Variants in SHISA9 observed in about 807,000 individuals in gnomAD.
SHISA9 encodes shisa family member 9, also known as protein shisa-9.
SHISA9 carries 13 observed loss-of-function variants against 38.0 expected under a neutral mutation model. The ratio of observed to expected loss-of-function variants is 0.34; its 90% CI spans 0.22 to 0.54. SHISA9 has a LOEUF of 0.54. Among genes scored for constraint, SHISA9 ranks in the 20% least tolerant of loss-of-function variants. The probability of loss-of-function intolerance (pLI) is 0.91; values close to 1 mark genes in which losing one functional copy is unlikely to be tolerated. For synonymous variants in SHISA9, 275 were observed against 242.0 expected, an observed-to-expected ratio of 1.14 and a Z score of -1.27; for missense variants, 538 against 575.8, an observed-to-expected ratio of 0.93 and a Z score of 0.67.
intron 2 of SHISA9, among the ~76,000 whole-genome samples, chr16:13,031,925 C>T (rs1197902672): frequency 6.6e-6 from 1 of 152,132 alleles, no homozygotes; most frequent in Admixed American, 6.6e-5. Context: ...ATACACACAC[C>T]TCAAACATCT....
the SHISA9 span, among the ~76,000 whole-genome samples, chr16:13,418,990 G>A: frequency 1.3e-5 from 2 of 152,172 alleles, no homozygotes; most frequent in Non-Finnish European, 2.9e-5. Context: ...ATCCTAAAGG[G>A]GCTGGAGGTT....
intron 2 of SHISA9, among the ~76,000 whole-genome samples, chr16:13,058,753 G>A (rs1305877686): frequency 7.5e-6 from 1 of 132,560 alleles, no homozygotes; most frequent in African/African-American, 3.0e-5. Flanking sequence ...TGGTGTATTT[G>A]TGTGTGTGTG....
intron 1 of SHISA9, among the ~76,000 whole-genome samples, chr16:12,912,173 T>C (rs1356361508): frequency 1.3e-5 from 2 of 151,910 alleles, no homozygotes; most frequent in African/African-American, 4.8e-5. Flanking sequence ...AATCGGTTTA[T>C]GCAGTCCCTG....
intron 2 of SHISA9, among the ~76,000 whole-genome samples, chr16:13,017,454 G>C (rs1043340053): frequency 6.6e-6 from 1 of 152,194 alleles, no homozygotes; most frequent in Non-Finnish European, 1.5e-5. Flanking sequence ...ACTCAAAATT[G>C]TTAAGCAATT....
the SHISA9 span, among the ~76,000 whole-genome samples, chr16:13,467,047 A>G: frequency 6.6e-6 from 1 of 152,232 alleles, no homozygotes; most frequent in Non-Finnish European, 1.5e-5. Context: ...AAAGAGATGC[A>G]TATGGCTGCC....
At chr16:13,021,735 C>G (rs975886625) in intron 2 of SHISA9, among the ~76,000 whole-genome samples, 1 of 152,152 alleles carries the variant, frequency 6.6e-6, no homozygotes. Flanking sequence ...GTCCCCTTTT[C>G]TGAGTTTCTA....
At chr16:13,085,636 C>T (rs1338316529) in intron 2 of SHISA9, among the ~76,000 whole-genome samples, 4 of 152,128 alleles carry the variant, frequency 2.6e-5, no homozygotes, top group Admixed American at 1.3e-4. Context: ...GTCAAGTCTA[C>T]GTTATGTGTA....
chr16:13,339,477 C>T, the SHISA9 span, among the ~76,000 whole-genome samples: 1 of 152,126 alleles, frequency 6.6e-6, no homozygotes, highest in African/African-American at 2.4e-5. Context: ...AGCCTCAGTC[C>T]TTATCAATAA....
chr16:13,233,589 C>A (rs2051352750), intron 4 of SHISA9, among the ~76,000 whole-genome samples: 1 of 152,194 alleles, frequency 6.6e-6, no homozygotes, highest in Admixed American at 6.5e-5. Flanking sequence ...CACAGCAGAA[C>A]AAAAGCAGCT....
the SHISA9 span, among the ~76,000 whole-genome samples, chr16:13,402,389 C>A: frequency 6.6e-6 from 1 of 152,048 alleles, no homozygotes; most frequent in Non-Finnish European, 1.5e-5. Context: ...TTCTGATGCA[C>A]AAGGGTAGGA....
At chr16:13,388,282 T>C in the SHISA9 span, among the ~76,000 whole-genome samples, 1 of 151,562 alleles carries the variant, frequency 6.6e-6, no homozygotes, top group Non-Finnish European at 1.5e-5. Flanking sequence ...GGGGAAATAG[T>C]GCAGTGGGAA....
chr16:13,050,460 T>C (rs568836977), intron 2 of SHISA9, among the ~76,000 whole-genome samples: 3 of 152,118 alleles, frequency 2.0e-5, no homozygotes, highest in Non-Finnish European at 2.9e-5. Context: ...GCCCGTCAAG[T>C]GGCTGGGACT....
chr16:13,017,228 C>G (rs2141859922), intron 2 of SHISA9, among the ~76,000 whole-genome samples: 1 of 152,236 alleles, frequency 6.6e-6, no homozygotes, highest in Admixed American at 6.5e-5. Context: ...CCATGTTGGC[C>G]AGGCTGGTCT....
the SHISA9 span, among the ~76,000 whole-genome samples, chr16:13,426,066 G>A: frequency 6.6e-6 from 1 of 152,142 alleles, no homozygotes; most frequent in Non-Finnish European, 1.5e-5. Flanking sequence ...GAAGGTCCCT[G>A]CTTGCCTTCT....
chr16:13,376,426 C>T, the SHISA9 span, among the ~76,000 whole-genome samples: 28 of 152,160 alleles, frequency 1.8e-4, no homozygotes, highest in African/African-American at 6.3e-4. Context: ...CTTCTCAGCA[C>T]ATTTACAGCC....
chr16:13,094,676 G>A (rs943871370), intron 2 of SHISA9, among the ~76,000 whole-genome samples: 3 of 152,066 alleles, frequency 2.0e-5, no homozygotes, highest in African/African-American at 7.2e-5. Flanking sequence ...CCCCATTGAA[G>A]GACTCTTCTA....
At chr16:12,968,791 C>G (rs1488089686) in intron 2 of SHISA9, among the ~76,000 whole-genome samples, 1 of 152,080 alleles carries the variant, frequency 6.6e-6, no homozygotes, top group Non-Finnish European at 1.5e-5. Context: ...CCAACTCTGC[C>G]ACTGTGGTGC....
intron 2 of SHISA9, among the ~76,000 whole-genome samples, chr16:13,202,357 T>C (rs1258057149): frequency 7.6e-6 from 1 of 132,130 alleles, no homozygotes; most frequent in Non-Finnish European, 1.6e-5. Flanking sequence ...CACTGAACTA[T>C]TATAACAACC....
At chr16:13,416,782 AGGAAGGAAG>A in the SHISA9 span, among the ~76,000 whole-genome samples, 22 of 127,248 alleles carry the variant, frequency 1.7e-4, no homozygotes, top group South Asian at 3.0e-3. Context: ...AAGGGAAGGA[AGGAAGGAAG>A]GGAAGGAAGG....
Sources: gnomAD v4.1 joint callset for allele counts (sites outside exome capture counted in the v4.1 genomes callset) on GRCh38, gnomAD v4.1.1 for gene constraint, MANE v1.5 for transcripts, NCBI Gene and HGNC (gene_info 2026-07-23, HGNC 2026-07-21) for gene names.